ASB15: variants seen among roughly 807,000 people sequenced by gnomAD.
The protein encoded by ASB15 is ankyrin repeat and SOCS box containing 15.
ASB15 carries 54 observed loss-of-function variants against 58.0 expected under a neutral mutation model. The ratio of observed to expected loss-of-function variants is 0.93; its 90% CI spans 0.75 to 1.17. The LOEUF (loss-of-function observed/expected upper bound fraction) is 1.17. ASB15 is among the 50% of genes most tolerant of loss of function. The pLI, the probability that ASB15 is intolerant of heterozygous loss-of-function variation, is 0.00. For synonymous variants in ASB15, 249 were observed against 262.4 expected, an observed-to-expected ratio of 0.95 and a Z score of 0.50; for missense variants, 680 against 707.4, an observed-to-expected ratio of 0.96 and a Z score of 0.44.
At chr7:123,607,051 C>A (rs1266969999) in intron 2 of ASB15, among the ~76,000 whole-genome samples, 1 of 152,026 alleles carries the variant, frequency 6.6e-6, no homozygotes, top group Non-Finnish European at 1.5e-5. Flanking sequence ...AATAGCTATA[C>A]CCCCAAAAAA....
intron 9 of ASB15, 32 bp downstream of exon 9, chr7:123,627,313 G>A (rs761183604): frequency 3.9e-6 from 6 of 1,557,972 alleles, no homozygotes; most frequent in South Asian, 2.3e-5. Flanking sequence ...AATTATTTGA[G>A]TTAAAAATGC....
chr7:123,625,966 C>T (rs944198287), intron 8 of ASB15, among the ~76,000 whole-genome samples: 3 of 148,220 alleles, frequency 2.0e-5, no homozygotes, highest in East Asian at 2.0e-4. Flanking sequence ...CGGAAGTAAA[C>T]GGCTTGCCCC....
intron 1 of ASB15, among the ~76,000 whole-genome samples, chr7:123,584,406 G>A (rs543462546): frequency 4.0e-5 from 6 of 151,738 alleles, no homozygotes; most frequent in African/African-American, 1.5e-4. Context: ...CTAGGCATCA[G>A]TGTTTTCTAA....
chr7:123,631,493 G>A (rs1321846179), intron 11 of ASB15, among the ~76,000 whole-genome samples: 2 of 152,038 alleles, frequency 1.3e-5, no homozygotes, highest in Admixed American at 1.3e-4. Context: ...TAAGCCTAAG[G>A]GAAATTACAA....
intron 2 of ASB15, among the ~76,000 whole-genome samples, chr7:123,607,746 C>A (rs1313659423): frequency 6.6e-6 from 1 of 152,204 alleles, no homozygotes. Flanking sequence ...CTCAGCCTCC[C>A]AAAGTCCTCG....
At chr7:123,625,144 A>G (rs1364511104) in intron 8 of ASB15, among the ~76,000 whole-genome samples, 1 of 152,160 alleles carries the variant, frequency 6.6e-6, no homozygotes, top group Admixed American at 6.5e-5. Flanking sequence ...TACTCTTCTA[A>G]TGTAATAATT....
At chr7:123,630,470 G>A (rs1802063475) in intron 11 of ASB15, among the ~76,000 whole-genome samples, 1 of 152,178 alleles carries the variant, frequency 6.6e-6, no homozygotes, top group Non-Finnish European at 1.5e-5. Context: ...GCTTAGCATA[G>A]TGCCTAGTAA....
intron 7 of ASB15, 86 bp downstream of exon 7, chr7:123,617,823 G>A (rs2116534916): frequency 7.6e-7 from 1 of 1,308,122 alleles, no homozygotes; most frequent in Non-Finnish European, 1.0e-6. Context: ...GGCTAAAATT[G>A]TGATCTCAGT....
intron 7 of ASB15, among the ~76,000 whole-genome samples, chr7:123,620,531 TA>T (rs1801205442): frequency 9.6e-5 from 2 of 20,828 alleles, no homozygotes; most frequent in Non-Finnish European, 2.2e-4. Flanking sequence ...TATATATATA[TA>T]TATATATATA....
chr7:123,570,332 A>T (rs1008903387), intron 1 of ASB15, among the ~76,000 whole-genome samples: 1 of 152,028 alleles, frequency 6.6e-6, no homozygotes, highest in African/African-American at 2.4e-5. Flanking sequence ...CACCGCGCCC[A>T]GCCTGCCATA....
intron 11 of ASB15, among the ~76,000 whole-genome samples, chr7:123,635,217 G>GA (rs1369204762): frequency 2.0e-5 from 3 of 152,172 alleles, no homozygotes; most frequent in Non-Finnish European, 1.5e-5. Context: ...AAGAAATAAA[G>GA]AAGAATGGAT....
intron 6 of ASB15, 100 bp downstream of exon 6, chr7:123,616,595 GC>G: frequency 7.8e-7 from 1 of 1,279,702 alleles, no homozygotes; most frequent in Non-Finnish European, 1.1e-6. Flanking sequence ...GAAAGAAAAG[GC>G]AGATTAAAAT....
At chr7:123,594,858 G>T (rs1000641385) in intron 1 of ASB15, among the ~76,000 whole-genome samples, 1 of 152,234 alleles carries the variant, frequency 6.6e-6, no homozygotes, top group Non-Finnish European at 1.5e-5. Context: ...GAAGCTGTCT[G>T]CTGCCTTTTG....
intron 1 of ASB15, among the ~76,000 whole-genome samples, chr7:123,580,501 C>T (rs1425274858): frequency 6.6e-6 from 1 of 152,068 alleles, no homozygotes; most frequent in Non-Finnish European, 1.5e-5. Flanking sequence ...CTAAGCCTTA[C>T]TTCTTCCTTG....
intron 3 of ASB15, among the ~76,000 whole-genome samples, chr7:123,610,222 G>A (rs961650502): frequency 1.3e-5 from 2 of 152,032 alleles, no homozygotes; most frequent in East Asian, 1.9e-4. Context: ...TTTCCTGCTC[G>A]GTCCAGACTC....
At chr7:123,633,559 T>A (rs1802242371) in intron 11 of ASB15, among the ~76,000 whole-genome samples, 1 of 152,114 alleles carries the variant, frequency 6.6e-6, no homozygotes, top group Non-Finnish European at 1.5e-5. Context: ...AATAACAATA[T>A]AAACTCATAA....
Position 123,638,133 on chromosome 7 carries a change from C to T in ASB15, c.*1152C>T, listed in dbSNP as rs1212896573. ...CCTGGGATAATACAATGCTGCTTAT[C>T]TGGCTCCCCTGACTCTGTCTTGCCC... On this transcript the variant is annotated 3_prime_UTR_variant, in exon 12 of 12. Coordinates refer to ENST00000451215, the MANE Select transcript of ASB15 (RefSeq NM_001290258.2). The T allele has an allele frequency of 1.3e-5, 2 of 152,030 alleles. No individual in the cohort carries two copies. Among genetic ancestry groups the T allele is most frequent in the Admixed American group, 1.3e-4 (2 of 15,254 alleles). The allele number at this position is 152,030 out of a possible 1,614,324, so 9.4% of individuals were successfully genotyped here.
At chr7:123,598,980 T>A (rs1411307807), upstream of ASB15, 1 of 152,172 alleles carries the variant, frequency 6.6e-6, no homozygotes, top group Admixed American at 6.5e-5. Flanking sequence ...AATAAACAAT[T>A]ACCAAGGTTC....
intron 4 of ASB15, chr7:123,615,629 G>A (rs1800751437): frequency 6.6e-6 from 1 of 152,206 alleles, no homozygotes; most frequent in South Asian, 2.1e-4. Flanking sequence ...ATGACCTGCT[G>A]GGCCAGTGAT....
Sources: allele counts gnomAD v4.1 joint callset (sites outside exome capture counted in the v4.1 genomes callset), GRCh38; gene constraint gnomAD v4.1.1; transcripts MANE v1.5; gene names NCBI Gene and HGNC (gene_info 2026-07-23, HGNC 2026-07-21).